The following HMGB1 variants were observed in gnomAD, a reference collection of about 807,000 sequenced individuals.
HMGB1 encodes the protein high mobility group protein B1.
For missense variants in HMGB1, 79 were observed against 253.5 expected (o/e 0.31, Z 4.67); for synonymous variants, 81 against 84.0 (o/e 0.96, Z 0.19).
At chr13:30,609,088 C>T (rs1950488424) in intron 1 of HMGB1, among the ~76,000 whole-genome samples, 2 of 149,860 alleles carry the variant, frequency 1.3e-5, no homozygotes, top group Non-Finnish European at 3.0e-5. Context: ...GGTGTGAAAC[C>T]CCGTCTCTAC....
chr13:30,608,639 A>G (rs1348204069), intron 1 of HMGB1, among the ~76,000 whole-genome samples: 3 of 152,168 alleles, frequency 2.0e-5, no homozygotes, highest in African/African-American at 7.2e-5. Flanking sequence ...GAAGAGGGTC[A>G]TTTGTTTTGG....
At chr13:30,462,500 C>G (rs749178584) in intron 4 of HMGB1, 38 bp downstream of exon 4, 7 of 1,519,290 alleles carry the variant, frequency 4.6e-6, no homozygotes, top group Middle Eastern at 1.7e-4. Flanking sequence ...ATCTGGCGTA[C>G]TTGTCATCAT....
intron 1 of HMGB1, among the ~76,000 whole-genome samples, chr13:30,577,765 T>A (rs1401781881): frequency 1.3e-5 from 2 of 152,222 alleles, no homozygotes; most frequent in Non-Finnish European, 2.9e-5. Context: ...TGCATAATGC[T>A]TACAACACAG....
At chr13:30,491,154 G>A (rs190844954) in intron 1 of HMGB1, among the ~76,000 whole-genome samples, 2 of 151,876 alleles carry the variant, frequency 1.3e-5, no homozygotes, top group East Asian at 3.9e-4. Flanking sequence ...TCAGCCTCCC[G>A]AGTAGCTGGG....
At chr13:30,605,264 G>A (rs1950446370) in intron 1 of HMGB1, among the ~76,000 whole-genome samples, 2 of 152,162 alleles carry the variant, frequency 1.3e-5, no homozygotes, top group Admixed American at 6.5e-5. Flanking sequence ...GAAGTTCAGG[G>A]GAGAGGCTGG....
chr13:30,520,304 AG>A (rs905399014), intron 1 of HMGB1, among the ~76,000 whole-genome samples: 17 of 152,094 alleles, frequency 1.1e-4, no homozygotes, highest in African/African-American at 3.6e-4. Flanking sequence ...CCTGGGCAAC[AG>A]GGTGAGACTC....
At chr13:30,534,868 T>G (rs1430465072) in intron 1 of HMGB1, among the ~76,000 whole-genome samples, 1 of 152,168 alleles carries the variant, frequency 6.6e-6, no homozygotes, top group Non-Finnish European at 1.5e-5. Context: ...TGAGCCACCA[T>G]GCCCAGCCAG....
intron 1 of HMGB1, among the ~76,000 whole-genome samples, chr13:30,555,863 G>C (rs1009408207): frequency 6.6e-6 from 1 of 152,076 alleles, no homozygotes; most frequent in East Asian, 1.9e-4. Context: ...AGTCTCCATC[G>C]TCAAAAAGGA....
intron 1 of HMGB1, among the ~76,000 whole-genome samples, chr13:30,505,170 C>CGTTGTT (rs559515089): frequency 6.7e-6 from 1 of 148,458 alleles, no homozygotes; most frequent in South Asian, 2.2e-4. Flanking sequence ...TTGTTGTTGT[C>CGTTGTT]GTTGTTGTTG....
At chr13:30,523,103 C>T (rs17074695) in intron 1 of HMGB1, among the ~76,000 whole-genome samples, 22,220 of 152,180 alleles carry the variant, frequency 0.15, 1,838 homozygotes, top group East Asian at 0.28. Context: ...TACAACAGTT[C>T]TTGTAGTTAT....
chr13:30,490,621 GAAA>G (rs35989221), intron 1 of HMGB1, among the ~76,000 whole-genome samples: 1 of 135,040 alleles, frequency 7.4e-6, no homozygotes. Context: ...TGTCTGAACA[GAAA>G]AAAAAAAAAA....
At chr13:30,590,996 C>T (rs939681585) in intron 1 of HMGB1, among the ~76,000 whole-genome samples, 2 of 148,698 alleles carry the variant, frequency 1.3e-5, no homozygotes, top group African/African-American at 2.5e-5. Context: ...TGGACTAAGG[C>T]AGGATAACAG....
chr13:30,557,880 C>T (rs1869756485), intron 1 of HMGB1, among the ~76,000 whole-genome samples: 1 of 152,182 alleles, frequency 6.6e-6, no homozygotes, highest in South Asian at 2.1e-4. Context: ...ACTTGAACCT[C>T]ATGTCTATCA....
upstream of HMGB1, among the ~76,000 whole-genome samples, chr13:30,468,609 G>C (rs1189720342): frequency 2.6e-5 from 4 of 152,036 alleles, no homozygotes; most frequent in African/African-American, 7.2e-5. Flanking sequence ...CCCCTAGTCT[G>C]GTGATGGTAC....
chr13:30,566,083 G>A (rs1461149111), intron 1 of HMGB1, among the ~76,000 whole-genome samples: 2 of 152,118 alleles, frequency 1.3e-5, no homozygotes, highest in East Asian at 1.9e-4. Flanking sequence ...ATGGAGCATC[G>A]CCCAGCTGAC....
At chr13:30,555,042 T>TG (rs1434176752) in intron 1 of HMGB1, among the ~76,000 whole-genome samples, 22 of 135,294 alleles carry the variant, frequency 1.6e-4, no homozygotes, top group African/African-American at 6.1e-4. Flanking sequence ...TGTTTTTTTT[T>TG]TTTTTTTTTT....
intron 1 of HMGB1, among the ~76,000 whole-genome samples, chr13:30,515,799 C>T (rs954276744): frequency 2.6e-5 from 4 of 151,694 alleles, no homozygotes; most frequent in Admixed American, 1.3e-4. Context: ...CCAGGGGCTA[C>T]ATTGTAGTTT....
At chr13:30,606,570 T>C (rs1374916380) in intron 1 of HMGB1, among the ~76,000 whole-genome samples, 1 of 152,238 alleles carries the variant, frequency 6.6e-6, no homozygotes, top group Non-Finnish European at 1.5e-5. Flanking sequence ...AGGGTGAAAG[T>C]TGTTGTCAAA....
chr13:30,465,756 C>G (rs1313084524), intron 1 of HMGB1, 40 bp downstream of exon 1: 1 of 979,518 alleles, frequency 1.0e-6, no homozygotes, highest in Non-Finnish European at 1.2e-6. Context: ...GGGGAGCTGC[C>G]GGAGGCGCTC....
Sources: gnomAD v4.1 joint callset for allele counts (sites outside exome capture counted in the v4.1 genomes callset) on GRCh38, gnomAD v4.1.1 for gene constraint, MANE v1.5 for transcripts, NCBI Gene and HGNC (gene_info 2026-07-23, HGNC 2026-07-21) for gene names.